Variants in CBLC observed in about 807,000 individuals in gnomAD.
The protein encoded by CBLC is E3 ubiquitin-protein ligase CBL-C.
A neutral mutation model predicts 58.6 loss-of-function variants in CBLC; 46 were observed. That is an observed-to-expected ratio of 0.79 (90% CI 0.62 to 1.00). The LOEUF (loss-of-function observed/expected upper bound fraction) is 1.00. Ranked by LOEUF, CBLC falls within the 50% of genes least tolerant of loss-of-function variation. CBLC has a pLI of 0.00. For missense variants in CBLC, 655 were observed against 625.8 expected, an observed-to-expected ratio of 1.05 and a Z score of -0.50; for synonymous variants, 271 against 264.2, an observed-to-expected ratio of 1.03 and a Z score of -0.25.
chr19:44,787,946 C>G (rs1337154335), intron 5 of CBLC, among the ~76,000 whole-genome samples: 1 of 149,618 alleles, frequency 6.7e-6, no homozygotes, highest in Non-Finnish European at 1.5e-5. Context: ...GCCCCCATCT[C>G]AATAAAGAGA....
At chr19:44,783,549 T>C (rs1967805022) in intron 4 of CBLC, among the ~76,000 whole-genome samples, 1 of 149,056 alleles carries the variant, frequency 6.7e-6, no homozygotes, top group African/African-American at 2.5e-5. Flanking sequence ...GGCATGGTGA[T>C]GCGTGCCTAT....
At chr19:44,778,837 A>G (rs1358194793) in intron 1 of CBLC, among the ~76,000 whole-genome samples, 127 of 54,340 alleles carry the variant, frequency 2.3e-3, no homozygotes, top group Middle Eastern at 0.017. Flanking sequence ...TCAGACCCAG[A>G]AACTCAGGCC....
intron 9 of CBLC, 66 bp downstream of exon 9, chr19:44,794,347 C>A: frequency 1.3e-6 from 2 of 1,490,880 alleles, no homozygotes; most frequent in South Asian, 2.3e-5. Flanking sequence ...CCCTGGTTCA[C>A]CTGTGCACTC....
Position 44,781,455 on chromosome 19 carries a change from C to A in CBLC, c.657+92C>A, listed in dbSNP as rs990482849. 28 of 1,286,314 alleles carry A rather than the reference C, an allele frequency of 2.2e-5. No homozygotes were observed. The Admixed American group carries it at 5.8e-4, about 27-fold the overall frequency. The allele number at this position is 1,286,314 out of a possible 1,614,324, so 79.7% of individuals were successfully genotyped here. Reference sequence around the variant, plus strand: ...TTCCTGGGTCTGAGGGAGGAAGGGCCGGGACCTGGACTCCTGGATCTGAGG... The same window carrying A: ...TTCCTGGGTCTGAGGGAGGAAGGGCAGGGACCTGGACTCCTGGATCTGAGG... On this transcript the variant is annotated intron_variant, in intron 3 of 10. Transcript: ENST00000647358.
intron 9 of CBLC, among the ~76,000 whole-genome samples, chr19:44,794,925 G>C (rs1342646736): frequency 1.3e-5 from 2 of 150,922 alleles, no homozygotes; most frequent in African/African-American, 2.4e-5. Context: ...AGCACCCCTA[G>C]CTGGGGTGGT....
At chr19:44,784,914 G>A (rs1967848343) in intron 5 of CBLC, among the ~76,000 whole-genome samples, 1 of 144,776 alleles carries the variant, frequency 6.9e-6, no homozygotes, top group African/African-American at 2.6e-5. Flanking sequence ...TAGATTGATG[G>A]GGCAGAAACA....
intron 5 of CBLC, among the ~76,000 whole-genome samples, chr19:44,789,246 T>A (rs139967478): frequency 6.6e-6 from 1 of 152,140 alleles, no homozygotes; most frequent in Non-Finnish European, 1.5e-5. Context: ...TGGGTCACTG[T>A]CTGTGAGGGA....
rs1444489694 is a variant in CBLC, at chr19:44,800,328, G to A, written c.1363-53G>A. 7 of 1,252,086 alleles carry A rather than the reference G, an allele frequency of 5.6e-6. No homozygotes were observed. In the Admixed American group the frequency reaches 6.8e-5, roughly 12 times the overall value. The allele number at this position is 1,252,086 out of a possible 1,614,324, so 77.6% of individuals were successfully genotyped here. ...AAGGGGACAGGGAAGAGGGGCAGAGGGAAAGATTGGATGCCGGGAATCAAC... is the reference window on the plus strand; with the variant it reads ...AAGGGGACAGGGAAGAGGGGCAGAGAGAAAGATTGGATGCCGGGAATCAAC... On this transcript the variant is annotated intron_variant, in intron 9 of 10. Coordinates refer to ENST00000647358, the MANE Select transcript of CBLC (RefSeq NM_012116.4).
intron 9 of CBLC, among the ~76,000 whole-genome samples, chr19:44,800,177 A>C (rs1029194669): frequency 2.0e-5 from 3 of 152,144 alleles, no homozygotes; most frequent in Admixed American, 2.0e-4. Context: ...TCCTCCCCCC[A>C]GGCACTTTTG....
chr19:44,793,381 CA>C (rs2122493578), intron 7 of CBLC, 92 bp from the exon 8 acceptor site: 1 of 1,361,260 alleles, frequency 7.3e-7, no homozygotes, highest in South Asian at 1.6e-5. Context: ...GTCTTCCCCA[CA>C]TCAATCTTTT....
intron 5 of CBLC, among the ~76,000 whole-genome samples, chr19:44,789,766 G>A (rs1288211390): frequency 6.6e-6 from 1 of 152,078 alleles, no homozygotes; most frequent in East Asian, 1.9e-4. Context: ...AGTCACTGAG[G>A]TTTTGTGTGC....
At chr19:44,791,503 C>T (rs1968047973) in intron 6 of CBLC, among the ~76,000 whole-genome samples, 3 of 151,954 alleles carry the variant, frequency 2.0e-5, no homozygotes, top group Admixed American at 6.6e-5. Context: ...GAGGCCAAGG[C>T]GGGCAGATTA....
In CBLC at chr19:44,793,635, C is replaced by A. The variant is rs374717459; in HGVS notation, c.1284+15C>A. ...AGCTGGGGCAGGTGAGCAGGGCCAGCCGGGAGCTGGAATCCAAATTCCTGA... is the reference window on the plus strand; with the variant it reads ...AGCTGGGGCAGGTGAGCAGGGCCAGACGGGAGCTGGAATCCAAATTCCTGA... On this transcript the variant is annotated intron_variant, in intron 8 of 10. Transcript: ENST00000647358. The A allele has an allele frequency of 1.3e-6, 2 of 1,568,496 alleles. No individual in the cohort carries two copies. Among genetic ancestry groups the A allele is most frequent in the Admixed American group, 3.8e-5 (2 of 52,224 alleles).
At chr19:44,779,328 G>A (rs917446465) in intron 1 of CBLC, among the ~76,000 whole-genome samples, 1 of 152,102 alleles carries the variant, frequency 6.6e-6, no homozygotes, top group African/African-American at 2.4e-5. Flanking sequence ...CTGATCATTA[G>A]GCCCCCATCA....
chr19:44,784,172 C>T, intron 4 of CBLC, 92 bp from the exon 5 acceptor site: 1 of 1,254,440 alleles, frequency 8.0e-7, no homozygotes, highest in Non-Finnish European at 1.1e-6. Flanking sequence ...GACCTAGACA[C>T]CTGGATTCCC....
chr19:44,797,006 G>A (rs1417528610), intron 9 of CBLC, among the ~76,000 whole-genome samples: 2 of 152,078 alleles, frequency 1.3e-5, no homozygotes, highest in Non-Finnish European at 2.9e-5. Context: ...GCACTCAGCC[G>A]GCTCCCAGAG....
At chr19:44,783,006 G>A (rs2965124) in intron 4 of CBLC, among the ~76,000 whole-genome samples, 10,993 of 152,130 alleles carry the variant, frequency 0.072, 770 homozygotes, top group African/African-American at 0.18. Flanking sequence ...CGGTGAGTGC[G>A]TTAGCATTCT....
intron 6 of CBLC, 97 bp downstream of exon 6, chr19:44,790,188 T>C: frequency 1.1e-6 from 1 of 906,412 alleles, no homozygotes; most frequent in Non-Finnish European, 1.8e-6. Context: ...GTTGGCTTGG[T>C]GGCTCTGTGA....
intron 9 of CBLC, among the ~76,000 whole-genome samples, chr19:44,799,570 G>C (rs560698783): frequency 1.4e-3 from 213 of 152,230 alleles, no homozygotes; most frequent in African/African-American, 5.1e-3. Context: ...GACCTCAGGT[G>C]ATCCACCCAC....
Sources: gnomAD v4.1 joint callset for allele counts (sites outside exome capture counted in the v4.1 genomes callset) on GRCh38, gnomAD v4.1.1 for gene constraint, MANE v1.5 for transcripts, NCBI Gene and HGNC (gene_info 2026-07-23, HGNC 2026-07-21) for gene names.